PBX1: variants seen among roughly 807,000 people sequenced by gnomAD.
PBX1 encodes PBX homeobox 1, also known as pre-B-cell leukemia transcription factor 1.
In PBX1, 6 loss-of-function variants were observed where a neutral mutation model predicts 53.4. That is an observed-to-expected ratio of 0.11 (90% CI 0.06 to 0.22). PBX1 has a LOEUF of 0.22. Among genes scored for constraint, PBX1 ranks in the 10% least tolerant of loss-of-function variants. The pLI, the probability that PBX1 is intolerant of heterozygous loss-of-function variation, is 1.00. For synonymous variants in PBX1, 204 were observed against 212.3 expected, an observed-to-expected ratio of 0.96 and a Z score of 0.34; for missense variants, 251 against 551.4, an observed-to-expected ratio of 0.46 and a Z score of 5.46.
In PBX1 at chr1:164,761,307, T is replaced by G. The variant is rs573779184; in HGVS notation, c.266-31187T>G. Among the ~76,000 whole-genome samples the G allele has an allele frequency of 2.6e-5, 4 of 152,332 alleles. No homozygotes were observed. The South Asian group carries it at 8.3e-4, about 32-fold the overall frequency. On this transcript the variant is annotated intron_variant, in intron 2 of 8. Coordinates refer to ENST00000420696, the MANE Select transcript of PBX1 (RefSeq NM_002585.4). ...ATGAGTATAATCTTACATGCACATA[T>G]TTATTAGACACTAGTAGTATTTTAA...
intron 2 of PBX1, chr1:164,700,818 C>T (rs2635013): frequency 0.25 from 197,153 of 791,100 alleles, 25,250 homozygotes; most frequent in East Asian, 0.47. Flanking sequence ...TTGGTGGTGG[C>T]CAGCCCTGTA....
chr1:164,651,046 C>G (rs1659781255), intron 2 of PBX1, among the ~76,000 whole-genome samples: 2 of 152,134 alleles, frequency 1.3e-5, no homozygotes, highest in Non-Finnish European at 2.9e-5. Flanking sequence ...GGCATGTCAG[C>G]TCCCACCCCA....
chr1:164,688,023 G>A (rs1481007296), intron 2 of PBX1, among the ~76,000 whole-genome samples: 1 of 152,144 alleles, frequency 6.6e-6, no homozygotes, highest in African/African-American at 2.4e-5. Context: ...TTCCCCTAGC[G>A]ACAACCATGG....
chr1:164,867,408 C>T (rs1393060185), intron 2 of PBX1, among the ~76,000 whole-genome samples: 4 of 152,146 alleles, frequency 2.6e-5, no homozygotes, highest in Non-Finnish European at 4.4e-5. Context: ...AGAGACCATG[C>T]AGAAAAAAGA....
At chr1:164,715,584 T>C (rs185413167) in intron 2 of PBX1, among the ~76,000 whole-genome samples, 1 of 152,316 alleles carries the variant, frequency 6.6e-6, no homozygotes, top group East Asian at 1.9e-4. Flanking sequence ...CCTGTTGTTG[T>C]CTAGTGCTTA....
At chr1:164,656,168 A>G (rs1047622504) in intron 2 of PBX1, among the ~76,000 whole-genome samples, 1 of 152,248 alleles carries the variant, frequency 6.6e-6, no homozygotes, top group Non-Finnish European at 1.5e-5. Context: ...ATCTATCGAT[A>G]TGGCTACTCA....
intron 2 of PBX1, among the ~76,000 whole-genome samples, chr1:164,597,573 C>A (rs868213464): frequency 2.0e-5 from 3 of 152,282 alleles, no homozygotes; most frequent in Middle Eastern, 3.4e-3. Flanking sequence ...CCATGATATT[C>A]ATCTTGTTGT....
intron 2 of PBX1, among the ~76,000 whole-genome samples, chr1:164,614,330 G>A (rs1657128524): frequency 6.6e-6 from 1 of 152,150 alleles, no homozygotes; most frequent in African/African-American, 2.4e-5. Flanking sequence ...AGAGGCTTGG[G>A]AGCCAGATTT....
At chr1:164,784,525 G>C (rs765097726) in intron 2 of PBX1, among the ~76,000 whole-genome samples, 7 of 152,202 alleles carry the variant, frequency 4.6e-5, no homozygotes, top group Non-Finnish European at 8.8e-5. Context: ...GAAAAACTTG[G>C]TGTGTTTCTC....
At chr1:164,632,803 A>G (rs1248198078) in intron 2 of PBX1, among the ~76,000 whole-genome samples, 2 of 152,134 alleles carry the variant, frequency 1.3e-5, no homozygotes. Context: ...GCTCTCCACA[A>G]GTTTGATGTT....
At position 164,559,846 on chromosome 1, in the gene PBX1, G is replaced by A; in HGVS notation, c.24G>A (p.Met8Ile). 6.5e-7 allele frequency: 1 copy of A among 1,549,926 alleles called. No homozygotes were observed. The highest frequency in any genetic ancestry group is 8.7e-7 in the Non-Finnish European group (1 of 1,146,680). The change falls in exon 1 of 9, where the codon ATG (methionine) becomes ATA (isoleucine). Residue 8 changes from methionine to isoleucine, a missense_variant. Transcript: ENST00000420696. ...AGATGGACGAGCAGCCCAGGCTGATGCATTCCCATGCTGGGGTCGGGATGG... is the reference window on the plus strand; with the variant it reads ...AGATGGACGAGCAGCCCAGGCTGATACATTCCCATGCTGGGGTCGGGATGG... MDEQPRL[M>I]HSHAGVGMAG... is the part of the protein sequence containing the mutation.
At chr1:164,731,034 C>G (rs1323566327) in intron 2 of PBX1, among the ~76,000 whole-genome samples, 1 of 152,068 alleles carries the variant, frequency 6.6e-6, no homozygotes, top group African/African-American at 2.4e-5. Context: ...ATGGAGGACT[C>G]CAGTGTTTTT....
chr1:164,849,553 A>G lies in PBX1; in HGVS notation c.*2877A>G, dbSNP rs1161194178. On this transcript the variant is annotated 3_prime_UTR_variant, in exon 9 of 9. Coordinates refer to ENST00000420696, the MANE Select transcript of PBX1 (RefSeq NM_002585.4). ...GCACCCCAGGATTTCTTCATTTTCT[A>G]ATAGATGTGGGAGTGCTCCATTTTC... 12 of 1,203,996 alleles carry G rather than the reference A, an allele frequency of 1.0e-5. No individual in the cohort carries two copies. In the African/African-American group the frequency reaches 1.7e-4, roughly 17 times the overall value. 74.6% of individuals were successfully genotyped at this position (1,203,996 alleles called of 1,614,324 possible). A position where few individuals can be genotyped will look rare whatever the true frequency, so the allele number is the denominator to read the frequency against.
intron 8 of PBX1, among the ~76,000 whole-genome samples, chr1:164,835,819 A>G (rs1442853616): frequency 6.6e-6 from 1 of 152,210 alleles, no homozygotes; most frequent in African/African-American, 2.4e-5. Context: ...CCCTAGGAAA[A>G]CTAAAGGCAG....
At chr1:164,613,018 C>G (rs1406005127) in intron 2 of PBX1, among the ~76,000 whole-genome samples, 8 of 152,074 alleles carry the variant, frequency 5.3e-5, no homozygotes, top group African/African-American at 1.9e-4. Flanking sequence ...GTGTGTGGCA[C>G]CCAGGGATCA....
intron 4 of PBX1, among the ~76,000 whole-genome samples, chr1:164,806,676 GTTCTTCATCGGTAAATACGAA>G (rs1669369069): frequency 6.6e-6 from 1 of 152,216 alleles, no homozygotes. Context: ...TTTGAGCTCA[GTTCTTCATCGGTAAATACGAA>G]TAATCATATC....
In PBX1 at chr1:164,846,870, C is replaced by T; in HGVS notation, c.*194C>T. ...TGGACACTTCTTTATACTCTCTTCC[C>T]TTTTTTTTCTGGGTAGAAGCCACCC... On this transcript the variant is annotated 3_prime_UTR_variant, in exon 9 of 9. Coordinates refer to ENST00000420696, the MANE Select transcript of PBX1 (RefSeq NM_002585.4). 7.1e-7 allele frequency: 1 copy of T among 1,403,904 alleles called. No homozygotes were observed. The highest frequency in any genetic ancestry group is 9.3e-7 in the Non-Finnish European group (1 of 1,079,974). The allele number at this position is 1,403,904 out of a possible 1,614,324, so 87.0% of individuals were successfully genotyped here.
rs538832729 is a variant in PBX1, at chr1:164,785,722, C to T, written c.266-6772C>T. On this transcript the variant is annotated intron_variant, in intron 2 of 8. Transcript: ENST00000420696. ...TCCTGTCACCTTGGAGGTACTTGAG[C>T]AGTAATTTGTTTGATTGCACTGAGC... Among the ~76,000 whole-genome samples the T allele has an allele frequency of 4.5e-4, 68 of 152,274 alleles. 3 individuals carry two copies. In the South Asian group the frequency reaches 0.013, roughly 29 times the overall value.
intron 2 of PBX1, among the ~76,000 whole-genome samples, chr1:164,588,702 A>G (rs1331972629): frequency 6.6e-6 from 1 of 151,782 alleles, no homozygotes; most frequent in African/African-American, 2.4e-5. Flanking sequence ...AGAGGGAGAG[A>G]GAGAGAGGCT....
Sources: gnomAD v4.1 joint callset for allele counts (sites outside exome capture counted in the v4.1 genomes callset) on GRCh38, gnomAD v4.1.1 for gene constraint, MANE v1.5 for transcripts, NCBI Gene and HGNC (gene_info 2026-07-23, HGNC 2026-07-21) for gene names.